Variants in CCDC13 observed in about 807,000 individuals in gnomAD.
CCDC13 encodes the protein coiled-coil domain-containing protein 13.
Under a neutral mutation model 87.3 loss-of-function variants are expected in CCDC13, and 70 were observed. That is an observed-to-expected ratio of 0.80 (90% CI 0.66 to 0.98). The LOEUF (loss-of-function observed/expected upper bound fraction) is 0.98. CCDC13 is among the 50% of genes least tolerant of loss of function. The pLI, the probability that CCDC13 is intolerant of heterozygous loss-of-function variation, is 0.00. For missense variants in CCDC13, 842 were observed against 892.0 expected, an observed-to-expected ratio of 0.94 and a Z score of 0.71; for synonymous variants, 317 against 360.3, an observed-to-expected ratio of 0.88 and a Z score of 1.36.
rs370600734 is a variant in CCDC13 at position 42,720,275 on chromosome 3, G to T, written c.1719-6959C>A. 1.2e-4 allele frequency among the ~76,000 whole-genome samples: 18 copies of T among 152,252 alleles called. No individual in the cohort carries two copies. In the South Asian group the frequency reaches 3.7e-3, roughly 32 times the overall value. On this transcript the variant is annotated intron_variant, in intron 13 of 15. Transcript: ENST00000310232. ...AGTTGTTTAAAAAAAGGGAATTTAC[G>T]CAAGAAATGTTGTGTAATTTGAAGG...
intron 13 of CCDC13, among the ~76,000 whole-genome samples, chr3:42,726,990 G>A (rs1204126644): frequency 2.6e-5 from 4 of 152,092 alleles, no homozygotes; most frequent in Admixed American, 2.6e-4. Context: ...TAGCCTGAAA[G>A]TGCTGAGAAA....
rs555106248 is a variant in CCDC13, at chr3:42,724,964, A to G, written c.1718+5503T>C. Reference sequence around the variant, plus strand: ...ATATACATAATACCATATATATGATACATAAAGTGTTCTTTTATAAGTCAA... The same window carrying G: ...ATATACATAATACCATATATATGATGCATAAAGTGTTCTTTTATAAGTCAA... On this transcript the variant is annotated intron_variant, in intron 13 of 15. Coordinates refer to ENST00000310232, the MANE Select transcript of CCDC13 (RefSeq NM_144719.4). 1.2e-4 allele frequency among the ~76,000 whole-genome samples: 18 copies of G among 152,324 alleles called. No homozygotes were observed. In the East Asian group the frequency reaches 3.5e-3, roughly 29 times the overall value.
At position 42,706,548 on chromosome 3, in the gene CCDC13, T is replaced by C. The variant is rs1698185242; in HGVS notation, c.*2432A>G. 6.6e-6 allele frequency: 1 copy of C among 152,186 alleles called. No homozygotes were observed. Among genetic ancestry groups the C allele is most frequent in the Admixed American group, 6.5e-5 (1 of 15,278 alleles). The allele number at this position is 152,186 out of a possible 1,614,324, so 9.4% of individuals were successfully genotyped here. A position where few individuals can be genotyped will look rare whatever the true frequency, so the allele number is the denominator to read the frequency against. ...ACTCCCGCACATGGCACCACAGCAA[T>C]GCTGTCAAGGTTGCCCGTGGAATCT... On this transcript the variant is annotated 3_prime_UTR_variant, in exon 16 of 16. Coordinates refer to ENST00000310232, the MANE Select transcript of CCDC13 (RefSeq NM_144719.4).
intron 1 of CCDC13, among the ~76,000 whole-genome samples, chr3:42,764,477 G>A (rs1435158347): frequency 6.6e-6 from 1 of 152,226 alleles, no homozygotes; most frequent in Admixed American, 6.5e-5. Context: ...AGTTCCTTTG[G>A]TGCATAATAG....
chr3:42,756,857 C>T (rs779411825), intron 3 of CCDC13, among the ~76,000 whole-genome samples: 3 of 152,074 alleles, frequency 2.0e-5, no homozygotes, highest in Non-Finnish European at 2.9e-5. Context: ...CTCATTGCTC[C>T]CTGTGCTCCC....
intron 6 of CCDC13, chr3:42,746,330 G>T (rs1699393934): frequency 3.1e-6 from 1 of 326,280 alleles, no homozygotes; most frequent in Non-Finnish European, 5.8e-6. Flanking sequence ...CCACAAAGCT[G>T]ACCAACTCCT....
chr3:42,765,658 T>C (rs1346157956), intron 1 of CCDC13, among the ~76,000 whole-genome samples: 8 of 152,156 alleles, frequency 5.3e-5, no homozygotes, highest in African/African-American at 1.9e-4. Flanking sequence ...TGAGAGGCTG[T>C]CTGGGGAGAG....
intron 13 of CCDC13, among the ~76,000 whole-genome samples, chr3:42,724,787 A>G (rs1046120526): frequency 1.3e-5 from 2 of 150,174 alleles, no homozygotes; most frequent in Non-Finnish European, 3.0e-5. Context: ...TTTAATATTA[A>G]AAATTTTGCT....
intron 13 of CCDC13, among the ~76,000 whole-genome samples, chr3:42,717,483 G>C (rs1183755517): frequency 6.6e-6 from 1 of 151,532 alleles, no homozygotes; most frequent in Non-Finnish European, 1.5e-5. Context: ...GGTGGCGTAT[G>C]AGGAGCTATT....
At chr3:42,759,307 C>CAAA (rs36014297) in intron 1 of CCDC13, among the ~76,000 whole-genome samples, 1 of 126,898 alleles carries the variant, frequency 7.9e-6, no homozygotes. Flanking sequence ...ACCCTGTCTC[C>CAAA]AAAAAAAAAA....
intron 3 of CCDC13, 123 bp downstream of exon 3, chr3:42,756,943 C>CA: frequency 1.0e-6 from 1 of 1,002,860 alleles, no homozygotes. Flanking sequence ...CTCCTCTGGA[C>CA]AAGCTTGATC....
chr3:42,708,749 C>T lies in CCDC13; in HGVS notation c.*231G>A, dbSNP rs531366769. On this transcript the variant is annotated 3_prime_UTR_variant, in exon 16 of 16. Coordinates refer to ENST00000310232, the MANE Select transcript of CCDC13 (RefSeq NM_144719.4). ...AGTGGGCTGCTGGGCCTCCCTGCTG[C>T]TGTAACCCAGCCAGCCCAGGGTCTC... The T allele has an allele frequency of 2.5e-5, 11 of 439,786 alleles. No individual in the cohort carries two copies. Among genetic ancestry groups the T allele is most frequent in the African/African-American group, 8.2e-5 (4 of 48,912 alleles). 27.2% of individuals were successfully genotyped at this position (439,786 alleles called of 1,614,324 possible). A position where few individuals can be genotyped will look rare whatever the true frequency, so the allele number is the denominator to read the frequency against.
In CCDC13 at chr3:42,739,739, C is replaced by T; in HGVS notation, c.1059G>A (p.Arg353=). Residue 353 remains arginine (R), a synonymous_variant, in exon 9 of 16, where the codon AGG becomes AGA. Transcript: ENST00000310232. The part of the protein sequence containing the change: ...EELKKKFEGM[R]SRNKLLSSEM... ...CACTTGACAGCAGCTTGTTCCGAGA[C>T]CTCATGCCCTCGAACTTCTTTTTTA... is the stretch of plus-strand genomic sequence containing the variant. The T allele has an allele frequency of 2.5e-6, 4 of 1,614,210 alleles. No individual in the cohort carries two copies. The highest frequency in any genetic ancestry group is 1.3e-5 in the African/African-American group (1 of 75,054).
intron 3 of CCDC13, among the ~76,000 whole-genome samples, chr3:42,755,151 G>A (rs1026579524): frequency 2.0e-5 from 3 of 152,090 alleles, no homozygotes; most frequent in Admixed American, 6.6e-5. Flanking sequence ...TTAGTTCTAC[G>A]TAGACTATGA....
At chr3:42,757,329 T>A in intron 2 of CCDC13, 115 bp from the exon 3 acceptor site, 1 of 983,040 alleles carries the variant, frequency 1.0e-6, no homozygotes, top group Non-Finnish European at 1.5e-6. Context: ...CACACTGACG[T>A]GAAAGAAGAA....
chr3:42,723,449 A>G (rs1453969835), intron 13 of CCDC13, among the ~76,000 whole-genome samples: 1 of 152,170 alleles, frequency 6.6e-6, no homozygotes, highest in African/African-American at 2.4e-5. Context: ...ATAATATCCT[A>G]CCATATTCAC....
chr3:42,747,077 TG>T, intron 6 of CCDC13, 179 bp downstream of exon 6: 1 of 727,180 alleles, frequency 1.4e-6, no homozygotes, highest in South Asian at 1.4e-5. Flanking sequence ...GCCCACCAAA[TG>T]GTTATGGACC....
intron 1 of CCDC13, among the ~76,000 whole-genome samples, chr3:42,768,482 A>C (rs1699978036): frequency 6.6e-6 from 1 of 152,034 alleles, no homozygotes; most frequent in South Asian, 2.1e-4. Flanking sequence ...GGATCACCTG[A>C]GGTCAGGAGT....
intron 9 of CCDC13, among the ~76,000 whole-genome samples, chr3:42,736,750 C>G (rs1458943885): frequency 6.6e-6 from 1 of 152,072 alleles, no homozygotes; most frequent in Admixed American, 6.5e-5. Context: ...CCAGCACCCC[C>G]CAAACACCCC....
Sources: allele counts gnomAD v4.1 joint callset (sites outside exome capture counted in the v4.1 genomes callset), GRCh38; gene constraint gnomAD v4.1.1; transcripts MANE v1.5; gene names NCBI Gene and HGNC (gene_info 2026-07-23, HGNC 2026-07-21).